SNX29: variants seen among roughly 807,000 people sequenced by gnomAD.
The protein encoded by SNX29 is sorting nexin-29.
A neutral mutation model predicts 102.1 loss-of-function variants in SNX29; 78 were observed. That is an observed-to-expected ratio of 0.76 (90% confidence interval 0.64 to 0.92). The LOEUF (loss-of-function observed/expected upper bound fraction) is 0.92, where lower values mean the gene tolerates loss of function less well. Ranked by LOEUF, SNX29 falls within the 40% of genes least tolerant of loss-of-function variation. The pLI, the probability that SNX29 is intolerant of heterozygous loss-of-function variation, is 0.00. For missense variants in SNX29, 1,280 were observed against 1,061.7 expected (o/e 1.21, Z -2.86); for synonymous variants, 580 against 414.5 (o/e 1.40, Z -4.85).
intron 15 of SNX29, among the ~76,000 whole-genome samples, chr16:12,278,679 A>T (rs373578713): frequency 6.6e-6 from 1 of 152,206 alleles, no homozygotes; most frequent in Non-Finnish European, 1.5e-5. Flanking sequence ...ACTGTGATAT[A>T]AAAAAATCCT....
At chr16:12,550,775 T>G (rs748038113) in intron 20 of SNX29, among the ~76,000 whole-genome samples, 1 of 145,820 alleles carries the variant, frequency 6.9e-6, no homozygotes, top group Non-Finnish European at 1.5e-5. Flanking sequence ...GTGTAGAGGC[T>G]GAATAGCTGA....
At chr16:12,410,142 C>T (rs1434468511) in intron 18 of SNX29, among the ~76,000 whole-genome samples, 3 of 151,754 alleles carry the variant, frequency 2.0e-5, no homozygotes, top group African/African-American at 7.3e-5. Flanking sequence ...GTACAGGCAC[C>T]CATCACCACG....
In SNX29 at chr16:12,256,946, T is replaced by G. The variant is rs2078591050; in HGVS notation, c.1679-20987T>G. ...CACCGTCTTCCCCACTGTATTAGTTTTCTTTTGGTGTGGCAACAAATGGCT... is the reference window on the plus strand; with the variant it reads ...CACCGTCTTCCCCACTGTATTAGTTGTCTTTTGGTGTGGCAACAAATGGCT... On this transcript the variant is annotated intron_variant, in intron 14 of 20. Transcript: ENST00000566228. Among the ~76,000 whole-genome samples the G allele has an allele frequency of 2.0e-5, 3 of 152,220 alleles. No homozygotes were observed. The South Asian group carries it at 6.2e-4, about 32-fold the overall frequency.
In SNX29 at chr16:12,248,790, C is replaced by T. The variant is rs568698802; in HGVS notation, c.1679-29143C>T. 1.1e-4 allele frequency among the ~76,000 whole-genome samples: 16 copies of T among 152,044 alleles called. No homozygotes were observed. In the South Asian group the frequency reaches 3.3e-3, roughly 32 times the overall value. On this transcript the variant is annotated intron_variant, in intron 14 of 20. Coordinates refer to ENST00000566228, the MANE Select transcript of SNX29 (RefSeq NM_032167.5). ...GCACTTCTGGCACTGCTTTATTTTTCTGTGCAGCTTTTAGCAGCACATGAT... is the reference window on the plus strand; with the variant it reads ...GCACTTCTGGCACTGCTTTATTTTTTTGTGCAGCTTTTAGCAGCACATGAT...
intron 11 of SNX29, among the ~76,000 whole-genome samples, chr16:12,107,356 T>TA (rs1555461512): frequency 0.19 from 27,998 of 148,952 alleles, 3,046 homozygotes; most frequent in Non-Finnish European, 0.25. Context: ...TTTTTTTTTT[T>TA]AAAACGTTTT....
chr16:12,402,398 T>A (rs527670763), intron 17 of SNX29, among the ~76,000 whole-genome samples: 38 of 152,334 alleles, frequency 2.5e-4, no homozygotes, highest in Non-Finnish European at 5.4e-4. Context: ...TATGAGCTGC[T>A]CTTGAGAGAG....
intron 3 of SNX29, among the ~76,000 whole-genome samples, chr16:12,026,140 C>T (rs926750688): frequency 6.6e-6 from 1 of 152,188 alleles, no homozygotes; most frequent in African/African-American, 2.4e-5. Flanking sequence ...TGGTGGTGGC[C>T]TCAAGGCCTT....
intron 11 of SNX29, 65 bp downstream of exon 11, chr16:12,078,980 T>G (rs1596797191): frequency 7.2e-7 from 1 of 1,386,170 alleles, no homozygotes; most frequent in Non-Finnish European, 9.9e-7. Flanking sequence ...CTCATGGCGG[T>G]GCCTTTGTGC....
chr16:12,570,360 G>T lies in SNX29; in HGVS notation c.*1731G>T, dbSNP rs374533934. 7 of 501,866 alleles carry T rather than the reference G, an allele frequency of 1.4e-5. No homozygotes were observed. Among genetic ancestry groups the T allele is most frequent in the African/African-American group, 2.0e-5 (1 of 50,398 alleles). The allele number at this position is 501,866 out of a possible 1,614,324, so 31.1% of individuals were successfully genotyped here. On this transcript the variant is annotated 3_prime_UTR_variant, in exon 21 of 21. Transcript: ENST00000566228. ...CTCCCACTCACCTGCCAACATTGCT[G>T]CAATACACATGGTTTATCTGAAATT...
At chr16:12,223,577 T>A (rs1169061521) in intron 14 of SNX29, among the ~76,000 whole-genome samples, 1 of 152,164 alleles carries the variant, frequency 6.6e-6, no homozygotes, top group Non-Finnish European at 1.5e-5. Context: ...GGCAGGAGAA[T>A]CGCTTGAACC....
rs1260527061 is a variant in SNX29, at chr16:12,569,999, GC to G, written c.*1371del. On this transcript the variant is annotated 3_prime_UTR_variant, in exon 21 of 21. Transcript: ENST00000566228. ...GTCCTGGAACTGCTTCAACTCAGTG[GC>G]TTAAAATGAGAACTGCCCAGGTGAG... 2.2e-5 allele frequency: 6 copies of G among 270,946 alleles called. No individual in the cohort carries two copies. In the Admixed American group the frequency reaches 3.4e-4, roughly 15 times the overall value. 16.8% of individuals were successfully genotyped at this position (270,946 alleles called of 1,614,324 possible).
intron 11 of SNX29, among the ~76,000 whole-genome samples, chr16:12,093,171 C>T (rs946029890): frequency 1.3e-5 from 2 of 152,224 alleles, no homozygotes; most frequent in Non-Finnish European, 2.9e-5. Context: ...ATCAGAGCCA[C>T]TAGAATATTA....
intron 19 of SNX29, among the ~76,000 whole-genome samples, chr16:12,484,153 T>C (rs1046173273): frequency 6.6e-6 from 1 of 152,130 alleles, no homozygotes; most frequent in Non-Finnish European, 1.5e-5. Context: ...TTTCTCCCTC[T>C]CTCTTTTTTG....
At chr16:12,091,525 G>A (rs1056122251) in intron 11 of SNX29, among the ~76,000 whole-genome samples, 9 of 151,076 alleles carry the variant, frequency 6.0e-5, no homozygotes, top group Admixed American at 1.3e-4. Context: ...CATGGCTTAT[G>A]CCTGCAATCC....
At chr16:12,079,927 T>TA (rs2051781502) in intron 11 of SNX29, among the ~76,000 whole-genome samples, 1 of 152,228 alleles carries the variant, frequency 6.6e-6, no homozygotes, top group African/African-American at 2.4e-5. Context: ...GGAAAAAAAT[T>TA]ACAATGTTTT....
At chr16:12,247,995 C>T (rs2142356491) in intron 14 of SNX29, among the ~76,000 whole-genome samples, 2 of 152,254 alleles carry the variant, frequency 1.3e-5, no homozygotes, top group African/African-American at 4.8e-5. Flanking sequence ...CTGCAGCCCT[C>T]CCACCTCCCC....
chr16:12,265,316 C>G (rs888382240), intron 14 of SNX29, among the ~76,000 whole-genome samples: 3 of 152,126 alleles, frequency 2.0e-5, no homozygotes, highest in African/African-American at 7.2e-5. Flanking sequence ...CTCTGCTGGG[C>G]TCCATCACAT....
chr16:12,354,982 A>T (rs985743429), intron 15 of SNX29, among the ~76,000 whole-genome samples: 1 of 152,178 alleles, frequency 6.6e-6, no homozygotes, highest in African/African-American at 2.4e-5. Flanking sequence ...CAGGGACAGA[A>T]GGGGGTACCT....
At chr16:12,377,616 A>G (rs920085358) in intron 16 of SNX29, among the ~76,000 whole-genome samples, 3 of 152,104 alleles carry the variant, frequency 2.0e-5, no homozygotes, top group African/African-American at 7.2e-5. Flanking sequence ...AGATGCAGAG[A>G]TGTGTGCGCC....
Sources: allele counts gnomAD v4.1 joint callset (sites outside exome capture counted in the v4.1 genomes callset), GRCh38; gene constraint gnomAD v4.1.1; transcripts MANE v1.5; gene names NCBI Gene and HGNC (gene_info 2026-07-23, HGNC 2026-07-21).